The following SGIP1 variants were observed in gnomAD, a reference collection of about 807,000 sequenced individuals.
SGIP1 encodes SH3-containing GRB2-like protein 3-interacting protein 1.
SGIP1 carries 38 observed loss-of-function variants against 107.5 expected under a neutral mutation model. The observed-to-expected ratio is 0.35, with a 90% CI of 0.27 to 0.46. The LOEUF is 0.46. SGIP1 is among the 20% of genes least tolerant of loss of function. The pLI, the probability that SGIP1 is intolerant of heterozygous loss-of-function variation, is 1.00. For synonymous variants in SGIP1, 365 were observed against 366.1 expected (o/e 1.00, Z 0.03); for missense variants, 929 against 1,019.5 (o/e 0.91, Z 1.21).
rs1254718509 is a variant in SGIP1 at position 66,749,206 on chromosome 1, C to T, written c.*6111C>T. The stretch of plus-strand genomic sequence containing the variant: ...TATGACCAGCATATCAGACCCCTAT[C>T]TGTTGAAGATGTTTCCAATTCTTTG... On this transcript the variant is annotated 3_prime_UTR_variant, in exon 25 of 25. Coordinates refer to ENST00000371037, the MANE Select transcript of SGIP1 (RefSeq NM_032291.4). Among the ~76,000 whole-genome samples, 1 of 151,988 alleles carries T rather than the reference C, an allele frequency of 6.6e-6. No individual in the cohort carries two copies. Among genetic ancestry groups the T allele is most frequent in the Non-Finnish European group, 1.5e-5 (1 of 67,904 alleles).
chr1:66,631,669 C>A (rs1358424312), intron 2 of SGIP1, among the ~76,000 whole-genome samples: 1 of 127,216 alleles, frequency 7.9e-6, no homozygotes, highest in Non-Finnish European at 1.6e-5. Context: ...CTCTCTCTTT[C>A]TCTCTCTCTC....
At chr1:66,548,796 A>G (rs1036898524) in intron 1 of SGIP1, among the ~76,000 whole-genome samples, 1 of 152,138 alleles carries the variant, frequency 6.6e-6, no homozygotes, top group Non-Finnish European at 1.5e-5. Context: ...TCATCTACTG[A>G]GATACCTACT....
chr1:66,703,852 A>G (rs1352238583), intron 18 of SGIP1, among the ~76,000 whole-genome samples: 1 of 150,536 alleles, frequency 6.6e-6, no homozygotes, highest in Non-Finnish European at 1.5e-5. Context: ...TTCATATCAC[A>G]TATATAAAGA....
At chr1:66,562,946 T>TA (rs1487299665) in intron 1 of SGIP1, among the ~76,000 whole-genome samples, 1 of 152,030 alleles carries the variant, frequency 6.6e-6, no homozygotes, top group Admixed American at 6.6e-5. Flanking sequence ...TGCTGTAATG[T>TA]AATCCTTTGT....
At chr1:66,691,338 T>G (rs2089810209) in intron 17 of SGIP1, among the ~76,000 whole-genome samples, 1 of 152,200 alleles carries the variant, frequency 6.6e-6, no homozygotes, top group Admixed American at 6.5e-5. Context: ...GAGAAAGAAC[T>G]GCCTATTTTC....
chr1:66,597,680 CA>C lies in SGIP1; in HGVS notation c.11-28166del, dbSNP rs573014287. ...AAGGTAGCCATTAACAGTAAGTTGCCATTGACACAAGATGGAACCCCCGAGT... is the reference window on the plus strand; with the variant it reads ...AAGGTAGCCATTAACAGTAAGTTGCCTTGACACAAGATGGAACCCCCGAGT... On this transcript the variant is annotated intron_variant, in intron 1 of 24. Transcript: ENST00000371037. Among the ~76,000 whole-genome samples, 271 of 152,226 alleles carry C rather than the reference CA, an allele frequency of 1.8e-3. 3 individuals carry two copies. The highest frequency in any genetic ancestry group is 6.3e-3 in the African/African-American group (261 of 41,546).
intron 15 of SGIP1, among the ~76,000 whole-genome samples, chr1:66,687,384 TG>T (rs2088650019): frequency 1.3e-5 from 2 of 151,882 alleles, no homozygotes; most frequent in Admixed American, 6.6e-5. Context: ...GAAAACATCC[TG>T]GGTGAAAATC....
At chr1:66,720,866 GA>G (rs1341502130) in intron 19 of SGIP1, among the ~76,000 whole-genome samples, 1 of 152,116 alleles carries the variant, frequency 6.6e-6, no homozygotes, top group East Asian at 1.9e-4. Context: ...ATTTTAAGTG[GA>G]AATTGGTATA....
intron 5 of SGIP1, among the ~76,000 whole-genome samples, chr1:66,640,725 C>G (rs899608869): frequency 1.4e-5 from 2 of 147,130 alleles, no homozygotes; most frequent in African/African-American, 2.5e-5. Context: ...CTAAATGCAG[C>G]GAGAAGCCAG....
intron 2 of SGIP1, chr1:66,628,666 T>G (rs1333232233): frequency 6.5e-6 from 1 of 153,016 alleles, no homozygotes; most frequent in African/African-American, 2.4e-5. Context: ...AGAGAAAAGG[T>G]TGAACAACCT....
At chr1:66,533,627 G>A (rs2052884535), upstream of SGIP1, 1 of 152,314 alleles carries the variant, frequency 6.6e-6, no homozygotes, top group Admixed American at 6.5e-5. Flanking sequence ...GAGACGCACA[G>A]ATGTGCACGG....
chr1:66,582,776 T>C (rs2062000572), intron 1 of SGIP1, among the ~76,000 whole-genome samples: 1 of 151,950 alleles, frequency 6.6e-6, no homozygotes, highest in South Asian at 2.1e-4. Flanking sequence ...TCAAAGTATA[T>C]GGTTCTTCAG....
At position 66,673,331 on chromosome 1, in the gene SGIP1, C is replaced by G; in HGVS notation, c.611C>G (p.Pro204Arg). 2 of 1,612,722 alleles carry G rather than the reference C, an allele frequency of 1.2e-6. No individual in the cohort carries two copies. The highest frequency in any genetic ancestry group is 1.3e-5 in the African/African-American group (1 of 74,920). Residue 204 changes from proline (P) to arginine (R), a missense_variant, in exon 12 of 25, where the codon CCA becomes CGA. Physicochemically the swap from Pro to Arg is moderately radical, Grantham distance 103 (BLOSUM62 -2). Around this residue, in one of 2 missense-constraint regions of SGIP1, gnomAD observed 588 missense variants for 588.6 expected, o/e 1.00. Transcript: ENST00000371037. ...TTALAPLFGP[P>R]LESAFDEQKT... ...GCCCTTGCTCCTCTCTTTGGCCCAC[C>G]ACTAGAATCAGCTTTTGATGAACAG... is the stretch of plus-strand genomic sequence containing the variant.
At chr1:66,549,293 T>C (rs1557850800) in intron 1 of SGIP1, among the ~76,000 whole-genome samples, 2 of 152,154 alleles carry the variant, frequency 1.3e-5, no homozygotes, top group Admixed American at 6.6e-5. Flanking sequence ...CAACTATTTA[T>C]TGAGGTTTCA....
chr1:66,690,391 G>A, intron 17 of SGIP1, 75 bp downstream of exon 17: 2 of 1,570,126 alleles, frequency 1.3e-6, no homozygotes, highest in South Asian at 1.2e-5. Flanking sequence ...AATCCCCAAG[G>A]CCCTGTGTTT....
chr1:66,727,442 A>T (rs1037937520), intron 19 of SGIP1, among the ~76,000 whole-genome samples: 2 of 152,216 alleles, frequency 1.3e-5, no homozygotes, highest in Non-Finnish European at 2.9e-5. Flanking sequence ...ACCCTCATGC[A>T]CAGCTGTATT....
intron 11 of SGIP1, among the ~76,000 whole-genome samples, chr1:66,672,889 T>C (rs1440610528): frequency 6.6e-6 from 1 of 152,152 alleles, no homozygotes; most frequent in African/African-American, 2.4e-5. Flanking sequence ...CAAAGAGATG[T>C]GGTGAAATCA....
At chr1:66,659,999 ACAGACAGACAGACAGACAGG>A (rs1557497416) in intron 7 of SGIP1, 249 of 61,476 alleles carry the variant, frequency 4.1e-3, no homozygotes, top group Admixed American at 5.0e-3. Flanking sequence ...AGAAAGAAAG[ACAGACAGACAGACAGACAGG>A]AAGGAAGGAA....
chr1:66,559,811 G>A (rs532143262), intron 1 of SGIP1, among the ~76,000 whole-genome samples: 16 of 151,102 alleles, frequency 1.1e-4, no homozygotes, highest in African/African-American at 2.7e-4. Context: ...TTATTTAGCC[G>A]GGGGGGTGGA....
Sources: allele counts gnomAD v4.1 joint callset (sites outside exome capture counted in the v4.1 genomes callset), GRCh38; gene constraint gnomAD v4.1.1; regional missense constraint gnomAD v4.1.1; transcripts MANE v1.5; gene names NCBI Gene and HGNC (gene_info 2026-07-23, HGNC 2026-07-21).